The following HEATR4 variants were observed in gnomAD, a reference collection of about 807,000 sequenced individuals.
HEATR4 encodes the protein HEAT repeat-containing protein 4.
In HEATR4, 95 loss-of-function variants were observed where a neutral mutation model predicts 108.8. That is an observed-to-expected ratio of 0.87 (90% CI 0.74 to 1.04). The LOEUF is 1.04. HEATR4 is among the 50% of genes least tolerant of loss of function. HEATR4 has a pLI of 0.00. For synonymous variants in HEATR4, 443 were observed against 459.4 expected, an observed-to-expected ratio of 0.96 and a Z score of 0.46; for missense variants, 1,152 against 1,253.8, an observed-to-expected ratio of 0.92 and a Z score of 1.23.
At chr14:73,629,541 G>C in the HEATR4 span, among the ~76,000 whole-genome samples, 1 of 152,206 alleles carries the variant, frequency 6.6e-6, no homozygotes, top group Non-Finnish European at 1.5e-5. Context: ...CTTCCAGCTT[G>C]AGGAGAGACT....
At chr14:73,511,476 GC>G (rs1566833336) in intron 7 of HEATR4, among the ~76,000 whole-genome samples, 1 of 150,790 alleles carries the variant, frequency 6.6e-6, no homozygotes, top group African/African-American at 2.4e-5. Flanking sequence ...CAGAGATCGC[GC>G]CACTGCACTC....
chr14:73,585,809 TTTGTC>T, the HEATR4 span, among the ~76,000 whole-genome samples: 2 of 143,004 alleles, frequency 1.4e-5, no homozygotes, highest in African/African-American at 5.9e-5. Flanking sequence ...AGACCACTGT[TTTGTC>T]TTTTTCTTTT....
Position 73,506,591 on chromosome 14 carries a change from G to A in HEATR4, c.1882-20C>T, listed in dbSNP as rs753804577. 6.5e-7 allele frequency: 1 copy of A among 1,549,492 alleles called. No homozygotes were observed. Among genetic ancestry groups the A allele is most frequent in the Non-Finnish European group, 8.9e-7 (1 of 1,123,518 alleles). On this transcript the variant is annotated intron_variant, in intron 9 of 17. Transcript: ENST00000553558. ...CAGGGTCTGAGGAAATGGAAGACTT[G>A]TATGGATATTCACAATCACTTTTAG...
chr14:73,612,803 A>T, the HEATR4 span: 3 of 1,402,358 alleles, frequency 2.1e-6, no homozygotes, highest in Non-Finnish European at 2.8e-6. Context: ...GCTCCAGCCC[A>T]TGGGGCTGCT....
intron 11 of HEATR4, 24 bp from the exon 12 acceptor site, chr14:73,500,754 T>C (rs763188420): frequency 6.2e-7 from 1 of 1,605,402 alleles, no homozygotes; most frequent in African/African-American, 1.3e-5. Flanking sequence ...GTTGCTTTCC[T>C]TTCACCTCCT....
chr14:73,616,688 G>A, the HEATR4 span: 3 of 180,526 alleles, frequency 1.7e-5, no homozygotes, highest in Non-Finnish European at 2.3e-5. Flanking sequence ...GAGTGAGACT[G>A]TCAAAAAAAA....
the HEATR4 span, among the ~76,000 whole-genome samples, chr14:73,590,062 A>G: frequency 1.3e-5 from 2 of 152,246 alleles, no homozygotes; most frequent in East Asian, 1.9e-4. Context: ...ACAAAACTAA[A>G]TAGAACAAAC....
chr14:73,570,973 C>T, the HEATR4 span, among the ~76,000 whole-genome samples: 1 of 118,992 alleles, frequency 8.4e-6, no homozygotes, highest in East Asian at 2.5e-4. Context: ...GACTAGGAAG[C>T]CACTTTTTTT....
rs1358824522 is a variant in HEATR4 at position 73,493,115 on chromosome 14, A to G, written c.2795T>C (p.Val932Ala). ...AACCTCGGAAGGTCTTCTAGGAAGA[A>G]CCATCTCATCTAGGTACAAAAGGAA... ...LLQETFQDEM[V>A]LPRRPSEVCD... Residue 932 changes from valine (V) to alanine (A), a missense_variant, in exon 17 of 18, where the codon GTT becomes GCT. By Grantham distance (64) the Val-to-Ala change is moderately conservative (BLOSUM62 0). Transcript: ENST00000553558. 1 of 1,613,112 alleles carries G rather than the reference A, an allele frequency of 6.2e-7. No homozygotes were observed. The highest frequency in any genetic ancestry group is 2.2e-5 in the East Asian group (1 of 44,862).
At chr14:73,619,741 G>C in the HEATR4 span, 14 of 1,613,900 alleles carry the variant, frequency 8.7e-6, 1 homozygote, top group South Asian at 1.2e-4. Context: ...TGAGCCAAAG[G>C]CTCACTCAAA....
At chr14:73,584,747 T>C in the HEATR4 span, among the ~76,000 whole-genome samples, 1 of 147,398 alleles carries the variant, frequency 6.8e-6, no homozygotes, top group African/African-American at 2.5e-5. Context: ...CTAATCCTCA[T>C]TTGCCTTCTC....
the HEATR4 span, chr14:73,616,942 C>G: frequency 1.7e-6 from 1 of 601,410 alleles, no homozygotes; most frequent in East Asian, 2.7e-5. Flanking sequence ...TGTTTGCTTA[C>G]TGTCTTTTGA....
chr14:73,564,677 ATAGT>A, the HEATR4 span, among the ~76,000 whole-genome samples: 4 of 151,612 alleles, frequency 2.6e-5, no homozygotes, highest in African/African-American at 4.8e-5. Context: ...ACAGTTTGAA[ATAGT>A]TAGATGTGTG....
At chr14:73,630,039 TA>T in the HEATR4 span, among the ~76,000 whole-genome samples, 1 of 149,270 alleles carries the variant, frequency 6.7e-6, no homozygotes. Flanking sequence ...AAATAAAAAA[TA>T]AAAAACAAAA....
the HEATR4 span, among the ~76,000 whole-genome samples, chr14:73,628,489 C>G: frequency 6.6e-6 from 1 of 152,050 alleles, no homozygotes; most frequent in Non-Finnish European, 1.5e-5. Context: ...TGTGGTGGCT[C>G]ACACCTGTAA....
chr14:73,562,266 T>C (rs1453862702), upstream of HEATR4, among the ~76,000 whole-genome samples: 1 of 152,094 alleles, frequency 6.6e-6, no homozygotes. Context: ...AGATTTCATC[T>C]TAATATGGAC....
rs567063226 is a variant in HEATR4, at chr14:73,482,500, C to T, written c.2845-3658G>A. On this transcript the variant is annotated intron_variant, in intron 17 of 17. Coordinates refer to ENST00000553558, the MANE Select transcript of HEATR4 (RefSeq NM_001220484.1). ...CTGCGCCACTGCACTCCAGTCTGGG[C>T]GACACAGCCAGACTTCGAGACTCCA... is the stretch of plus-strand genomic sequence containing the variant. Among the ~76,000 whole-genome samples, 4 of 151,968 alleles carry T rather than the reference C, an allele frequency of 2.6e-5. No individual in the cohort carries two copies. In the South Asian group the frequency reaches 8.3e-4, roughly 32 times the overall value.
chr14:73,492,235 A>G lies in HEATR4; in HGVS notation c.2844+831T>C. The G allele has an allele frequency of 1.2e-6, 2 of 1,614,012 alleles. No individual in the cohort carries two copies. The highest frequency in any genetic ancestry group is 1.7e-6 in the Non-Finnish European group (2 of 1,179,888). ...ATTTTCCTCGGGGCTTCATTCACCA[A>G]GCTGAATGCCAGGATGGAGTCCACT... is the stretch of plus-strand genomic sequence containing the variant. On this transcript the variant is annotated intron_variant, in intron 17 of 17. Transcript: ENST00000553558. This position sits in a 1 kb window ranked among gnomAD's most constrained non-coding sequence, Gnocchi z 4.9.
upstream of HEATR4, among the ~76,000 whole-genome samples, chr14:73,563,810 T>A (rs1184666312): frequency 1.3e-5 from 2 of 151,218 alleles, no homozygotes; most frequent in South Asian, 2.1e-4. Context: ...AATAAAAAAA[T>A]AAATAAATAA....
Sources: gnomAD v4.1 joint callset for allele counts (sites outside exome capture counted in the v4.1 genomes callset) on GRCh38, gnomAD v4.1.1 for gene constraint, Gnocchi (gnomAD v3.1) non-coding constraint, MANE v1.5 for transcripts, NCBI Gene and HGNC (gene_info 2026-07-23, HGNC 2026-07-21) for gene names.